ARSF: variants seen among roughly 807,000 people sequenced by gnomAD.
ARSF encodes arylsulfatase F.
In ARSF, 33 loss-of-function variants were observed where a neutral mutation model predicts 35.4. That is an observed-to-expected ratio of 0.93 (90% CI 0.71 to 1.25). The LOEUF is 1.25. Among genes scored for constraint, ARSF ranks in the 50% most tolerant of loss-of-function variants. ARSF has a pLI of 0.00. For missense variants in ARSF, 501 were observed against 480.2 expected, an observed-to-expected ratio of 1.04 and a Z score of -0.40; for synonymous variants, 222 against 193.1, an observed-to-expected ratio of 1.15 and a Z score of -1.24.
chrX:3,046,692 A>G (rs2089976764), intron 1 of ARSF, among the ~76,000 whole-genome samples: 1 of 111,898 alleles, frequency 8.9e-6, no homozygotes, highest in South Asian at 3.7e-4. Context: ...AGGCAGCACC[A>G]AGCTCAGATG....
intron 1 of ARSF, chrX:3,058,549 C>A: frequency 3.2e-6 from 1 of 315,345 alleles, no homozygotes; most frequent in Non-Finnish European, 6.1e-6. Context: ...AAAGGCAGAA[C>A]ATATCAAGAT....
chrX:3,060,622 A>G (rs1430015322), intron 1 of ARSF, among the ~76,000 whole-genome samples: 5 of 111,696 alleles, frequency 4.5e-5, no homozygotes, highest in Non-Finnish European at 9.4e-5. Flanking sequence ...ACCTTAAATG[A>G]CCTGACGGAG....
At chrX:3,089,375 A>G (rs1380394731) in intron 6 of ARSF, 121 bp from the exon 7 acceptor site, 37 of 859,362 alleles carry the variant, frequency 4.3e-5, no homozygotes, top group Non-Finnish European at 5.8e-5. Flanking sequence ...GGGTGGACCC[A>G]CTCTATCTTC....
chrX:3,068,180 C>A, intron 2 of ARSF, 69 bp downstream of exon 2: 1 of 1,046,523 alleles, frequency 9.6e-7, no homozygotes, highest in Non-Finnish European at 1.3e-6. Context: ...ATTTGTGAAT[C>A]CAGCCTTATA....
Position 3,055,605 on chromosome X carries a change from G to C in ARSF, c.-28-12468G>C, listed in dbSNP as rs761676439. ...ACTAGCCGTCATAGCACATGGCAAA[G>C]TTGTCCTATTGACTCTGCTGTCAGC... On this transcript the variant is annotated intron_variant, in intron 1 of 10. Coordinates refer to ENST00000381127, the MANE Select transcript of ARSF (RefSeq NM_001201539.2). 7.2e-5 allele frequency among the ~76,000 whole-genome samples: 8 copies of C among 111,601 alleles called. No individual in the cohort carries two copies. The East Asian group carries it at 2.3e-3, about 32-fold the overall frequency.
chrX:3,048,028 C>T (rs1375175160), intron 1 of ARSF, among the ~76,000 whole-genome samples: 2 of 110,928 alleles, frequency 1.8e-5, no homozygotes, highest in Non-Finnish European at 3.8e-5. Flanking sequence ...CATCAGATCT[C>T]GTGAGACTCA....
chrX:3,109,003 C>G (rs982920594), intron 9 of ARSF, among the ~76,000 whole-genome samples: 2 of 110,140 alleles, frequency 1.8e-5, no homozygotes, highest in African/African-American at 6.6e-5. Flanking sequence ...GCAACAAGAG[C>G]AAAACTCTGT....
intron 7 of ARSF, among the ~76,000 whole-genome samples, chrX:3,092,472 C>T (rs2090301763): frequency 8.9e-6 from 1 of 111,916 alleles, no homozygotes; most frequent in South Asian, 3.7e-4. Flanking sequence ...GATGATGTGT[C>T]ATAGTGTTCA....
chrX:3,047,848 C>T (rs12836309), intron 1 of ARSF, among the ~76,000 whole-genome samples: 4 of 110,750 alleles, frequency 3.6e-5, no homozygotes, highest in Admixed American at 2.0e-4. Context: ...AAGACATACC[C>T]GAGATTGGGC....
At chrX:3,082,677 T>A (rs747009505) in intron 5 of ARSF, among the ~76,000 whole-genome samples, 1 of 111,986 alleles carries the variant, frequency 8.9e-6, no homozygotes, top group East Asian at 2.8e-4. Context: ...CACCTACATA[T>A]ACAAATATGC....
chrX:3,046,809 T>C (rs1465796378), intron 1 of ARSF, among the ~76,000 whole-genome samples: 1 of 110,888 alleles, frequency 9.0e-6, no homozygotes, highest in Non-Finnish European at 1.9e-5. Flanking sequence ...ACCAAGAAGA[T>C]AGACATGTGG....
At chrX:3,112,020 C>G (rs774943791) in intron 10 of ARSF, among the ~76,000 whole-genome samples, 154 bp from the exon 11 acceptor site, 1 of 111,464 alleles carries the variant, frequency 9.0e-6, no homozygotes, top group African/African-American at 3.3e-5. Flanking sequence ...CCCAACCACT[C>G]ACCTCCTGTG....
intron 9 of ARSF, among the ~76,000 whole-genome samples, chrX:3,105,640 T>A (rs1431499748): frequency 9.0e-6 from 1 of 110,782 alleles, no homozygotes; most frequent in Non-Finnish European, 1.9e-5. Context: ...AATTTTTGTA[T>A]GTCTTGTAGA....
intron 7 of ARSF, among the ~76,000 whole-genome samples, chrX:3,096,976 G>C (rs1404589154): frequency 9.0e-6 from 1 of 111,242 alleles, no homozygotes; most frequent in Non-Finnish European, 1.9e-5. Flanking sequence ...TACATGCCAA[G>C]GAAGGCTAAG....
rs2090435899 is a variant in ARSF at position 3,110,228 on chromosome X, G to A, written c.1366G>A (p.Val456Met). ...FHYCGSYLHA[V>M]RWIPKDDSGS... ...CTACTGTGGCTCCTACCTGCACGCC[G>A]TGCGGTGGATCCCCAAGGACGACAG... Residue 456 changes from valine to methionine, a missense_variant, in exon 10 of 11, where the codon GTG becomes ATG. Val to Met is a conservative substitution (Grantham distance 21, BLOSUM62 1). Coordinates refer to ENST00000381127, the MANE Select transcript of ARSF (RefSeq NM_001201539.2). 1.7e-6 allele frequency: 2 copies of A among 1,188,194 alleles called. No homozygotes were observed. Among genetic ancestry groups the A allele is most frequent in the Non-Finnish European group, 1.1e-6 (1 of 882,946 alleles).
At chrX:3,041,910 G>A (rs1208243065) in intron 1 of ARSF, among the ~76,000 whole-genome samples, 1 of 112,021 alleles carries the variant, frequency 8.9e-6, no homozygotes, top group Non-Finnish European at 1.9e-5. Context: ...TAAATAAGCT[G>A]GCTTTAAAAT....
At position 3,084,573 on chromosome X, in the gene ARSF, T is replaced by G. The variant is rs747305170; in HGVS notation, c.737T>G (p.Leu246Arg). ...ACGTCCCCTTTATACTGGGACTGCCTCCTCATGCGGGGGCACGAGATCACG... is the reference window on the plus strand; with the variant it reads ...ACGTCCCCTTTATACTGGGACTGCCGCCTCATGCGGGGGCACGAGATCACG... ...SHTSPLYWDC[L>R]LMRGHEITEQ... Residue 246 changes from leucine (L) to arginine (R), a missense_variant, in exon 6 of 11, where the codon CTC (leucine) becomes CGC (arginine). Transcript: ENST00000381127. 19 of 1,209,097 alleles carry G rather than the reference T, an allele frequency of 1.6e-5. No homozygotes were observed. The South Asian group carries it at 3.2e-4, about 20-fold the overall frequency.
intron 7 of ARSF, among the ~76,000 whole-genome samples, chrX:3,098,408 C>T (rs2147535365): frequency 9.0e-6 from 1 of 111,298 alleles, no homozygotes; most frequent in African/African-American, 3.3e-5. Flanking sequence ...GGCTGTGTCC[C>T]CACCCAAATC....
At chrX:3,042,528 G>A (rs1391240090) in intron 1 of ARSF, among the ~76,000 whole-genome samples, 2 of 110,601 alleles carry the variant, frequency 1.8e-5, no homozygotes, top group African/African-American at 6.6e-5. Context: ...ATGGAGCCTC[G>A]CTCTGTCTCC....
Sources: allele counts gnomAD v4.1 joint callset (sites outside exome capture counted in the v4.1 genomes callset), GRCh38; gene constraint gnomAD v4.1.1; transcripts MANE v1.5; gene names NCBI Gene and HGNC (gene_info 2026-07-23, HGNC 2026-07-21).